VDAC3: variants seen among roughly 807,000 people sequenced by gnomAD.
The protein encoded by VDAC3 is non-selective voltage-gated ion channel VDAC3.
A neutral mutation model predicts 33.9 loss-of-function variants in VDAC3; 7 were observed. The ratio of observed to expected loss-of-function variants is 0.21; its 90% confidence interval spans 0.12 to 0.39. The LOEUF (loss-of-function observed/expected upper bound fraction) is 0.39, where lower values mean the gene tolerates loss of function less well. Among genes scored for constraint, VDAC3 ranks in the 10% least tolerant of loss-of-function variants. The pLI is 1.00. For synonymous variants in VDAC3, 100 were observed against 122.4 expected (o/e 0.82, Z 1.21); for missense variants, 261 against 334.5 (o/e 0.78, Z 1.71).
chr8:42,401,457 A>AGGT (rs1802413869), intron 6 of VDAC3, among the ~76,000 whole-genome samples: 1 of 152,222 alleles, frequency 6.6e-6, no homozygotes, highest in South Asian at 2.1e-4. Flanking sequence ...GGCCTCCCAA[A>AGGT]GTGCTGGGAT....
chr8:42,402,452 C>G (rs1042326000), intron 7 of VDAC3, among the ~76,000 whole-genome samples: 4 of 152,194 alleles, frequency 2.6e-5, no homozygotes, highest in Admixed American at 6.5e-5. Flanking sequence ...GTGGAGGTTT[C>G]AGGTACTGGT....
chr8:42,397,340 G>GT (rs1802334100), intron 4 of VDAC3: 1 of 152,144 alleles, frequency 6.6e-6, no homozygotes, highest in South Asian at 2.1e-4. Flanking sequence ...ATTCTGTGTG[G>GT]TTTGATAAAC....
chr8:42,394,363 A>G, intron 3 of VDAC3, 85 bp downstream of exon 3: 1 of 1,187,256 alleles, frequency 8.4e-7, no homozygotes, highest in Middle Eastern at 2.0e-4. Context: ...TTAGTAAAAT[A>G]AGGGTAAGTC....
At chr8:42,398,374 G>A (rs1802354442) in intron 4 of VDAC3, among the ~76,000 whole-genome samples, 1 of 152,136 alleles carries the variant, frequency 6.6e-6, no homozygotes, top group Non-Finnish European at 1.5e-5. Context: ...CTACAGTCAC[G>A]TGCCATCATG....
At chr8:42,394,118 C>T (rs1802256754) in intron 2 of VDAC3, 92 bp from the exon 3 acceptor site, 4 of 1,103,558 alleles carry the variant, frequency 3.6e-6, no homozygotes, top group Non-Finnish European at 5.6e-6. Context: ...AAACTGTATA[C>T]CCCTTCTCAC....
In VDAC3 at chr8:42,400,519, G is replaced by T. The variant is rs183985899; in HGVS notation, c.323+816G>T. ...TCAATTTCCTCGTGAAAAAAAGGGG[G>T]ATTGTGTCATTTCCTATCTGCCTAA... On this transcript the variant is annotated intron_variant, in intron 6 of 9. Transcript: ENST00000022615. 2.9e-3 allele frequency among the ~76,000 whole-genome samples: 437 copies of T among 152,038 alleles called. 2 individuals are homozygous for T. Among genetic ancestry groups the T allele is most frequent in the Non-Finnish European group, 5.5e-3 (371 of 68,002 alleles).
intron 6 of VDAC3, among the ~76,000 whole-genome samples, chr8:42,401,438 G>A (rs562235907): frequency 1.3e-5 from 2 of 152,208 alleles, no homozygotes; most frequent in Admixed American, 1.3e-4. Flanking sequence ...CTCGTCATCC[G>A]CCCACCTTGG....
chr8:42,404,708 A>G (rs1802469529), intron 8 of VDAC3, among the ~76,000 whole-genome samples, 159 bp from the exon 9 acceptor site: 1 of 150,048 alleles, frequency 6.7e-6, no homozygotes, highest in East Asian at 2.0e-4. Context: ...GGTGACAAGA[A>G]CAAAACTTCA....
Position 42,396,906 on chromosome 8 carries a change from G to A in VDAC3, c.117+1773G>A, listed in dbSNP as rs1261246931. 6 of 460,396 alleles carry A rather than the reference G, an allele frequency of 1.3e-5. No individual in the cohort carries two copies. The Admixed American group carries it at 1.6e-4, about 12-fold the overall frequency. The allele number at this position is 460,396 out of a possible 1,614,324, so 28.5% of individuals were successfully genotyped here. On this transcript the variant is annotated intron_variant, in intron 4 of 9. Transcript: ENST00000022615. ...TATATGCATGTTATAAATGTGTTTT[G>A]CACTTGTTTGACCAAATTATGAAAT...
intron 6 of VDAC3, among the ~76,000 whole-genome samples, chr8:42,400,642 C>T (rs1254654132): frequency 2.8e-5 from 4 of 140,876 alleles, no homozygotes; most frequent in Non-Finnish European, 4.7e-5. Flanking sequence ...TTGCCACACA[C>T]TTCAGTTATC....
Position 42,398,834 on chromosome 8 carries a change from T to C in VDAC3, c.240T>C (p.Thr80=), listed in dbSNP as rs1460768171. 2 of 1,613,928 alleles carry C rather than the reference T, an allele frequency of 1.2e-6. No individual in the cohort carries two copies. Among genetic ancestry groups the C allele is most frequent in the South Asian group, 2.2e-5 (2 of 91,070 alleles). Residue 80 remains threonine, a synonymous_variant, in exon 5 of 10, where the codon ACT becomes ACC. Transcript: ENST00000022615. ...CCCAGAAATGGAACACAGACAATAC[T>C]CTAGGGACAGAAATCTCTTGGGAGA... ...TFTQKWNTDN[T]LGTEISWENK... is the part of the protein sequence containing the mutation.
In VDAC3 at chr8:42,401,974, C is replaced by T; in HGVS notation, c.510C>T (p.Ala170=). 1.2e-6 allele frequency: 2 copies of T among 1,614,174 alleles called. No individual in the cohort carries two copies. Among genetic ancestry groups the T allele is most frequent in the Non-Finnish European group, 1.7e-6 (2 of 1,180,030 alleles). Residue 170 remains alanine (A), a synonymous_variant, in exon 7 of 10, where the codon GCC becomes GCT. Coordinates refer to ENST00000022615, the MANE Select transcript of VDAC3 (RefSeq NM_005662.7). ...CCAAACTGTCACAGAATAATTTCGC[C>T]CTGGGTTACAAGGCTGCGGACTTCC... is the stretch of plus-strand genomic sequence containing the variant. ...AKSKLSQNNF[A]LGYKAADFQL...
At chr8:42,394,752 TA>T (rs1156890237) in intron 3 of VDAC3, among the ~76,000 whole-genome samples, 1 of 152,228 alleles carries the variant, frequency 6.6e-6, no homozygotes. Flanking sequence ...TTTTTCTTAT[TA>T]ACTAGTAATG....
At chr8:42,405,239 G>A in intron 9 of VDAC3, 132 bp from the exon 10 acceptor site, 1 of 707,788 alleles carries the variant, frequency 1.4e-6, no homozygotes, top group Non-Finnish European at 2.4e-6. Context: ...AACCGATTGA[G>A]TAATAGCTGT....
At position 42,394,204 on chromosome 8, in the gene VDAC3, TATAAG is replaced by T; in HGVS notation, c.-2-2_1del. The T allele has an allele frequency of 1.2e-6, 2 of 1,613,272 alleles. No individual in the cohort carries two copies. The highest frequency in any genetic ancestry group is 1.7e-6 in the Non-Finnish European group (2 of 1,179,316). Reference sequence around the variant, plus strand: ...TTTATTCCTTTGCCCTGTTTTTCTTTATAAGATATGTGTAACACACCAACGTACTG... The same window carrying T: ...TTTATTCCTTTGCCCTGTTTTTCTTTATATGTGTAACACACCAACGTACTG... On this transcript the variant is annotated splice_acceptor_variant and splice_polypyrimidine_tract_variant and intron_variant, in intron 2 of 9. Coordinates refer to ENST00000022615, the MANE Select transcript of VDAC3 (RefSeq NM_005662.7). LOFTEE classifies it low-confidence loss of function (5UTR_SPLICE).
Position 42,401,995 on chromosome 8 carries a change from C to A in VDAC3, c.531C>A (p.Asp177Glu), listed in dbSNP as rs1243048008. ...TCGCCCTGGGTTACAAGGCTGCGGACTTCCAGCTGCACACACATGTGTGAG... is the reference window on the plus strand; with the variant it reads ...TCGCCCTGGGTTACAAGGCTGCGGAATTCCAGCTGCACACACATGTGTGAG... ...NNFALGYKAA[D>E]FQLHTHVNDG... The change falls in exon 7 of 10, where the codon GAC becomes GAA. Residue 177 changes from aspartate (D) to glutamate (E), a missense_variant. Physicochemically the swap from Asp to Glu is conservative, Grantham distance 45. Coordinates refer to ENST00000022615, the MANE Select transcript of VDAC3 (RefSeq NM_005662.7). The A allele has an allele frequency of 6.8e-6, 11 of 1,614,138 alleles. No homozygotes were observed. The highest frequency in any genetic ancestry group is 9.3e-6 in the Non-Finnish European group (11 of 1,180,062).
chr8:42,398,983 CT>C (rs1179676380), intron 5 of VDAC3, 119 bp downstream of exon 5: 2 of 1,199,984 alleles, frequency 1.7e-6, no homozygotes, highest in African/African-American at 3.1e-5. Context: ...CATATTTTTT[CT>C]CTGCATGTGG....
intron 2 of VDAC3, 69 bp from the exon 3 acceptor site, chr8:42,394,141 C>A: frequency 2.2e-6 from 3 of 1,389,164 alleles, no homozygotes; most frequent in Non-Finnish European, 3.1e-6. Context: ...GATTAAACAG[C>A]AGAAGAACTG....
At chr8:42,399,333 C>T (rs938728530) in intron 5 of VDAC3, among the ~76,000 whole-genome samples, 2 of 152,122 alleles carry the variant, frequency 1.3e-5, no homozygotes, top group African/African-American at 4.8e-5. Context: ...TGTTAAATGT[C>T]AGGTTATCTC....
Sources: allele counts gnomAD v4.1 joint callset (sites outside exome capture counted in the v4.1 genomes callset), GRCh38; gene constraint gnomAD v4.1.1; transcripts MANE v1.5; gene names NCBI Gene and HGNC (gene_info 2026-07-23, HGNC 2026-07-21).